PRKN: variants seen among roughly 807,000 people sequenced by gnomAD.
PRKN encodes E3 ubiquitin-protein ligase parkin.
In PRKN, 56 loss-of-function variants were observed where a neutral mutation model predicts 59.5. The observed-to-expected ratio is 0.94, with a 90% CI of 0.76 to 1.18. The LOEUF is 1.18. PRKN is among the 50% of genes most tolerant of loss of function. The pLI is 0.00. For synonymous variants in PRKN, 250 were observed against 222.1 expected, an observed-to-expected ratio of 1.13 and a Z score of -1.12; for missense variants, 657 against 596.4, an observed-to-expected ratio of 1.10 and a Z score of -1.06.
At chr6:162,098,927 G>A (rs1365534980) in intron 4 of PRKN, among the ~76,000 whole-genome samples, 1 of 152,080 alleles carries the variant, frequency 6.6e-6, no homozygotes, top group African/African-American at 2.4e-5. Context: ...TTGTCACTCT[G>A]CCACCAGGAC....
intron 4 of PRKN, among the ~76,000 whole-genome samples, chr6:162,131,499 T>G (rs7751044): frequency 0.11 from 16,103 of 152,212 alleles, 1,068 homozygotes; most frequent in African/African-American, 0.18. Context: ...GCTATAGATG[T>G]GGAAGGGGTT....
chr6:161,839,601 C>G (rs1315698005), intron 6 of PRKN, among the ~76,000 whole-genome samples: 1 of 152,136 alleles, frequency 6.6e-6, no homozygotes, highest in Non-Finnish European at 1.5e-5. Context: ...CCAGGAGAGT[C>G]AGATCCCTCG....
chr6:162,303,457 T>A (rs528655952), intron 2 of PRKN, among the ~76,000 whole-genome samples: 1 of 152,294 alleles, frequency 6.6e-6, no homozygotes, highest in Admixed American at 6.5e-5. Flanking sequence ...TCTCCATCAA[T>A]CCAAACCTTT....
At chr6:162,326,269 T>C (rs1225077960) in intron 2 of PRKN, among the ~76,000 whole-genome samples, 2 of 152,154 alleles carry the variant, frequency 1.3e-5, no homozygotes, top group Non-Finnish European at 2.9e-5. Flanking sequence ...GAAATGATAT[T>C]CAGCGTTCCC....
chr6:162,331,018 A>G (rs2000753), intron 2 of PRKN, among the ~76,000 whole-genome samples: 112,578 of 151,848 alleles, frequency 0.74, 42,634 homozygotes, highest in East Asian at 0.9. Flanking sequence ...GTTTTCCATC[A>G]CTCTATTACG....
intron 9 of PRKN, among the ~76,000 whole-genome samples, chr6:161,422,813 T>A (rs1342954988): frequency 6.6e-6 from 1 of 152,104 alleles, no homozygotes; most frequent in Non-Finnish European, 1.5e-5. Flanking sequence ...CAAAGCTACT[T>A]CTTCTAGGCT....
chr6:161,714,420 CT>C (rs1204925915), intron 7 of PRKN, among the ~76,000 whole-genome samples: 1 of 152,160 alleles, frequency 6.6e-6, no homozygotes, highest in East Asian at 1.9e-4. Flanking sequence ...GCTCTCTTGC[CT>C]TTTGCCATGT....
chr6:162,311,364 G>A (rs1782508468), intron 2 of PRKN, among the ~76,000 whole-genome samples: 2 of 151,570 alleles, frequency 1.3e-5, no homozygotes, highest in Admixed American at 1.3e-4. Flanking sequence ...TGAGGAATCT[G>A]AAAATCAGAA....
chr6:162,139,892 A>G (rs76938007), intron 4 of PRKN, among the ~76,000 whole-genome samples: 1 of 95,240 alleles, frequency 1.0e-5, no homozygotes, highest in African/African-American at 3.3e-5. Flanking sequence ...CTCCATCTCA[A>G]AAAAAAAAAA....
intron 2 of PRKN, among the ~76,000 whole-genome samples, chr6:162,441,755 G>C (rs1400979340): frequency 6.6e-6 from 1 of 152,156 alleles, no homozygotes; most frequent in African/African-American, 2.4e-5. Flanking sequence ...TGTCAAAATA[G>C]ACTCATAAAT....
At chr6:161,464,340 T>C (rs934510038) in intron 9 of PRKN, among the ~76,000 whole-genome samples, 5 of 152,302 alleles carry the variant, frequency 3.3e-5, no homozygotes, top group Admixed American at 1.3e-4. Context: ...AGGGATTGGA[T>C]TGGGAAAACT....
chr6:162,339,355 C>CT (rs1247244744), intron 2 of PRKN, among the ~76,000 whole-genome samples: 2 of 145,864 alleles, frequency 1.4e-5, no homozygotes, highest in African/African-American at 5.1e-5. Context: ...GGTCAGCCCC[C>CT]GCCCGGCCAG....
intron 7 of PRKN, among the ~76,000 whole-genome samples, chr6:161,613,547 C>G (rs900407040): frequency 6.6e-6 from 1 of 152,130 alleles, no homozygotes; most frequent in African/African-American, 2.4e-5. Context: ...TGCTATCAAA[C>G]AGCATCACAT....
chr6:162,363,254 G>A (rs925025011), intron 2 of PRKN, among the ~76,000 whole-genome samples: 2 of 152,102 alleles, frequency 1.3e-5, no homozygotes, highest in African/African-American at 4.8e-5. Flanking sequence ...GTTCTGCAGA[G>A]GCAATTCAAA....
At chr6:162,359,069 A>AT (rs1264283946) in intron 2 of PRKN, among the ~76,000 whole-genome samples, 10 of 96,738 alleles carry the variant, frequency 1.0e-4, no homozygotes, top group African/African-American at 2.5e-4. Context: ...CAAAAAAAAA[A>AT]AAAAAAAAAA....
At chr6:161,767,761 G>A (rs374284186) in intron 7 of PRKN, among the ~76,000 whole-genome samples, 2 of 151,608 alleles carry the variant, frequency 1.3e-5, no homozygotes, top group Non-Finnish European at 3.0e-5. Context: ...TGTCCTGGCT[G>A]GGGGTGGGGG....
intron 1 of PRKN, among the ~76,000 whole-genome samples, chr6:162,655,523 T>G (rs1362586695): frequency 1.3e-5 from 2 of 152,206 alleles, no homozygotes; most frequent in African/African-American, 2.4e-5. Flanking sequence ...CTAGCTCTTA[T>G]GAGTGTTCAT....
chr6:162,264,172 G>T (rs574635131), intron 2 of PRKN, among the ~76,000 whole-genome samples: 42 of 152,258 alleles, frequency 2.8e-4, no homozygotes, highest in African/African-American at 9.9e-4. Flanking sequence ...AGCTACTTGG[G>T]AGGCTGAAAC....
chr6:162,532,740 T>G (rs1778563519), intron 1 of PRKN, among the ~76,000 whole-genome samples: 1 of 152,204 alleles, frequency 6.6e-6, no homozygotes, highest in Non-Finnish European at 1.5e-5. Context: ...AACAAAGATT[T>G]CTTATCTGTA....
Sources: allele counts gnomAD v4.1 joint callset (sites outside exome capture counted in the v4.1 genomes callset), GRCh38; gene constraint gnomAD v4.1.1; transcripts MANE v1.5; gene names NCBI Gene and HGNC (gene_info 2026-07-23, HGNC 2026-07-21).